The following ACYP2 variants were observed in gnomAD, a reference collection of about 807,000 sequenced individuals.
ACYP2 encodes the protein acylphosphatase-2.
In ACYP2, 12 loss-of-function variants were observed where a neutral mutation model predicts 11.2. The ratio of observed to expected loss-of-function variants is 1.08; its 90% CI spans 0.69 to 1.74. ACYP2 has a LOEUF of 1.74. ACYP2 is among the 40% of genes most tolerant of loss of function. The probability of loss-of-function intolerance (pLI) is 0.00; values close to 1 mark genes in which losing one functional copy is unlikely to be tolerated. For missense variants in ACYP2, 134 were observed against 101.9 expected (o/e 1.31, Z -1.35); for synonymous variants, 43 against 32.2 (o/e 1.33, Z -1.13).
At chr2:54,127,035 G>A (rs1383374065) in intron 4 of ACYP2, among the ~76,000 whole-genome samples, 1 of 148,194 alleles carries the variant, frequency 6.7e-6, no homozygotes, top group African/African-American at 2.5e-5. Flanking sequence ...TAGTCCATAA[G>A]AATTGGCCAA....
intron 4 of ACYP2, among the ~76,000 whole-genome samples, chr2:54,096,662 C>G (rs1678602907): frequency 6.6e-6 from 1 of 152,170 alleles, no homozygotes; most frequent in African/African-American, 2.4e-5. Flanking sequence ...GAAACCCCGT[C>G]TCCACCAAAA....
intron 6 of ACYP2, among the ~76,000 whole-genome samples, chr2:54,280,653 T>C (rs1355450701): frequency 6.6e-6 from 1 of 152,168 alleles, no homozygotes; most frequent in African/African-American, 2.4e-5. Flanking sequence ...AAATGTCAAG[T>C]AAGATGGCAA....
chr2:53,975,097 C>T (rs1040942146), intron 2 of ACYP2: 16 of 381,926 alleles, frequency 4.2e-5, no homozygotes, highest in Non-Finnish European at 5.1e-5. Flanking sequence ...TGGTGGCGTG[C>T]GCCTGTAGTC....
chr2:54,077,939 A>G (rs1677433131), intron 4 of ACYP2, among the ~76,000 whole-genome samples: 1 of 151,860 alleles, frequency 6.6e-6, no homozygotes, highest in Admixed American at 6.6e-5. Flanking sequence ...AGTCTACTGA[A>G]GCAGCAATGA....
chr2:54,032,929 GAGA>G (rs1674666501), intron 2 of ACYP2, among the ~76,000 whole-genome samples: 1 of 152,202 alleles, frequency 6.6e-6, no homozygotes, highest in South Asian at 2.1e-4. Context: ...GGACCTGAAT[GAGA>G]AGGAGTTAGT....
chr2:54,121,069 G>C (rs1558544102), intron 4 of ACYP2, among the ~76,000 whole-genome samples: 1 of 152,150 alleles, frequency 6.6e-6, no homozygotes, highest in Non-Finnish European at 1.5e-5. Flanking sequence ...ATATGTTACA[G>C]CTCTTTTTGC....
At chr2:54,136,765 C>A (rs1681267120) in intron 5 of ACYP2, among the ~76,000 whole-genome samples, 1 of 152,076 alleles carries the variant, frequency 6.6e-6, no homozygotes, top group Non-Finnish European at 1.5e-5. Flanking sequence ...CACCTGAGGT[C>A]AGGAGTTCAA....
rs999972660 is a variant in ACYP2 at position 54,182,823 on chromosome 2, C to T, written c.404+44075C>T. ...TTCTTGGCTTATTATTTGCCTATAG[C>T]GGCAGTGCCCATCTTGGGGCAGATC... On this transcript the variant is annotated intron_variant, in intron 6 of 6. Transcript: ENST00000607452. Among the ~76,000 whole-genome samples, 8 of 152,164 alleles carry T rather than the reference C, an allele frequency of 5.3e-5. No individual in the cohort carries two copies. In the South Asian group the frequency reaches 8.3e-4, roughly 16 times the overall value.
At chr2:54,265,129 G>A (rs1253006787) in intron 6 of ACYP2, among the ~76,000 whole-genome samples, 1 of 152,148 alleles carries the variant, frequency 6.6e-6, no homozygotes, top group Non-Finnish European at 1.5e-5. Context: ...AGATAAGCAT[G>A]TGTATTAGTC....
At chr2:54,055,322 C>T (rs890286660) in intron 3 of ACYP2, among the ~76,000 whole-genome samples, 4 of 152,116 alleles carry the variant, frequency 2.6e-5, no homozygotes, top group Non-Finnish European at 5.9e-5. Context: ...AGGCACCCAG[C>T]CTGGTTTTTC....
intron 4 of ACYP2, among the ~76,000 whole-genome samples, chr2:54,094,645 C>A (rs987842725): frequency 2.0e-5 from 3 of 152,054 alleles, no homozygotes; most frequent in Admixed American, 6.6e-5. Flanking sequence ...TCAACCAATC[C>A]TCCCACCTCA....
intron 6 of ACYP2, among the ~76,000 whole-genome samples, chr2:54,210,599 G>A (rs766336787): frequency 2.0e-5 from 3 of 152,126 alleles, no homozygotes; most frequent in Non-Finnish European, 2.9e-5. Context: ...ATCTGTTTCT[G>A]TATTTGAATT....
intron 6 of ACYP2, among the ~76,000 whole-genome samples, chr2:54,233,012 A>G (rs1686307168): frequency 6.6e-6 from 1 of 152,130 alleles, no homozygotes; most frequent in South Asian, 2.1e-4. Flanking sequence ...AAATTTTTTT[A>G]TCAGTTTAAG....
chr2:54,069,555 G>A lies in ACYP2; in HGVS notation c.277+12195G>A, dbSNP rs372590082. 4.6e-5 allele frequency among the ~76,000 whole-genome samples: 7 copies of A among 152,192 alleles called. No individual in the cohort carries two copies. The East Asian group carries it at 1.4e-3, about 29-fold the overall frequency. ...CGGGCGCCTGTAGTCCTAGCTACTC[G>A]GGAGGCTGAGGCAGGAGGATGGCAT... On this transcript the variant is annotated intron_variant, in intron 4 of 6. Coordinates refer to ENST00000607452, the MANE Select transcript of ACYP2 (RefSeq NM_001320586.2).
intron 6 of ACYP2, among the ~76,000 whole-genome samples, chr2:54,199,820 CCACTG>C (rs143743398): frequency 0.012 from 1,880 of 152,308 alleles, 37 homozygotes; most frequent in African/African-American, 0.041. Context: ...GTGCCTTTAA[CCACTG>C]CACTGCACTG....
At chr2:54,282,138 C>T (rs1207708593) in intron 6 of ACYP2, among the ~76,000 whole-genome samples, 1 of 152,092 alleles carries the variant, frequency 6.6e-6, no homozygotes, top group Non-Finnish European at 1.5e-5. Flanking sequence ...TTGCCTCAAA[C>T]ATCTCAAATA....
At chr2:54,154,634 T>C (rs747116358) in intron 6 of ACYP2, among the ~76,000 whole-genome samples, 10 of 152,204 alleles carry the variant, frequency 6.6e-5, no homozygotes, top group Non-Finnish European at 1.3e-4. Flanking sequence ...CACTTGATCA[T>C]GGTGAATGAT....
At chr2:54,207,298 A>C (rs1482572756) in intron 6 of ACYP2, among the ~76,000 whole-genome samples, 2 of 151,744 alleles carry the variant, frequency 1.3e-5, no homozygotes, top group Non-Finnish European at 2.9e-5. Flanking sequence ...AATTCAAGTA[A>C]GAGTTGATAT....
chr2:53,973,713 ACTCAGC>A lies in ACYP2; in HGVS notation c.-33_-28del. On this transcript the variant is annotated splice_region_variant and 5_prime_UTR_variant, in exon 2 of 7. Coordinates refer to ENST00000607452, the MANE Select transcript of ACYP2 (RefSeq NM_001320586.2). ...CACCCTTTGCTGACTCCTTTTTCAG[ACTCAGC>A]CTGCCTGCACCCAGGTGAAATAAAC... 3.4e-6 allele frequency: 1 copy of A among 295,144 alleles called. No homozygotes were observed. Among genetic ancestry groups the A allele is most frequent in the Non-Finnish European group, 6.2e-6 (1 of 160,920 alleles). The allele number at this position is 295,144 out of a possible 1,614,324, so 18.3% of individuals were successfully genotyped here. A position where few individuals can be genotyped will look rare whatever the true frequency, so the allele number is the denominator to read the frequency against.
Sources: gnomAD v4.1 joint callset for allele counts (sites outside exome capture counted in the v4.1 genomes callset) on GRCh38, gnomAD v4.1.1 for gene constraint, MANE v1.5 for transcripts, NCBI Gene and HGNC (gene_info 2026-07-23, HGNC 2026-07-21) for gene names.